ACOT8: variants seen among roughly 807,000 people sequenced by gnomAD.
ACOT8 encodes the protein acyl-CoA thioesterase 8.
Under a neutral mutation model 38.4 loss-of-function variants are expected in ACOT8, and 31 were observed. The ratio of observed to expected loss-of-function variants is 0.81; its 90% confidence interval spans 0.61 to 1.09. The LOEUF (loss-of-function observed/expected upper bound fraction) is 1.09. ACOT8 is among the 50% of genes least tolerant of loss of function. The probability of loss-of-function intolerance (pLI) is 0.00; values close to 1 mark genes in which losing one functional copy is unlikely to be tolerated. For missense variants in ACOT8, 373 were observed against 421.8 expected (o/e 0.88, Z 1.01); for synonymous variants, 158 against 170.3 (o/e 0.93, Z 0.56).
At chr20:45,854,094 C>A (rs1467771189) in intron 2 of ACOT8, 4 of 726,982 alleles carry the variant, frequency 5.5e-6, no homozygotes, top group East Asian at 6.5e-5. Flanking sequence ...GAGACAAGGT[C>A]TCGATTTATT....
rs1374694468 is a variant in ACOT8, at chr20:45,855,299, G to C, written c.129-7C>G. 3 of 1,613,756 alleles carry C rather than the reference G, an allele frequency of 1.9e-6. No homozygotes were observed. The highest frequency in any genetic ancestry group is 2.5e-6 in the Non-Finnish European group (3 of 1,179,988). Reference sequence around the variant, plus strand: ...TACCCAGTAATGCCTTCCTCTGTAGGGAGAGGGGGAAAGAGGGAAAGACTT... The same window carrying C: ...TACCCAGTAATGCCTTCCTCTGTAGCGAGAGGGGGAAAGAGGGAAAGACTT... On this transcript the variant is annotated splice_region_variant and splice_polypyrimidine_tract_variant and intron_variant, in intron 1 of 5. Coordinates refer to ENST00000217455, the MANE Select transcript of ACOT8 (RefSeq NM_005469.4).
Position 45,848,676 on chromosome 20 carries a change from C to A in ACOT8, c.263-1G>T. 1 of 1,601,866 alleles carries A rather than the reference C, an allele frequency of 6.2e-7. No individual in the cohort carries two copies. Among genetic ancestry groups the A allele is most frequent in the Non-Finnish European group, 8.5e-7 (1 of 1,172,912 alleles). ...TACAGTACTGGCAGCTTCGGGTCCCCTGCAGTGGGCACAAGGACACAGTGG... is the reference window on the plus strand; with the variant it reads ...TACAGTACTGGCAGCTTCGGGTCCCATGCAGTGGGCACAAGGACACAGTGG... On this transcript the variant is annotated splice_acceptor_variant, in intron 2 of 5. Coordinates refer to ENST00000217455, the MANE Select transcript of ACOT8 (RefSeq NM_005469.4). LOFTEE classifies it high-confidence loss of function.
chr20:45,851,915 G>C (rs1985087181), intron 2 of ACOT8, among the ~76,000 whole-genome samples: 2 of 152,106 alleles, frequency 1.3e-5, no homozygotes, highest in African/African-American at 4.8e-5. Flanking sequence ...GAACTGATTT[G>C]ATAAATGGCC....
Position 45,848,429 on chromosome 20 carries a change from T to G in ACOT8, c.488+21A>C, listed in dbSNP as rs151064083. 2.2e-4 allele frequency: 348 copies of G among 1,549,940 alleles called. 2 individuals carry two copies. In the East Asian group the frequency reaches 7.9e-3, roughly 35 times the overall value. On this transcript the variant is annotated intron_variant, in intron 3 of 5. Transcript: ENST00000217455. ...CAGCTGCATTTTGAAAAGTCTGCCA[T>G]GGAGCCTCCAGGTCTCTCACCTTAA...
chr20:45,855,022 C>T (rs1055083976), intron 2 of ACOT8, 137 bp downstream of exon 2: 8 of 1,245,522 alleles, frequency 6.4e-6, no homozygotes, highest in Middle Eastern at 2.8e-4. Context: ...CCCTAGACAC[C>T]TCTTAGGGTG....
rs1303699253 is a variant in ACOT8 at position 45,848,673 on chromosome 20, C to T, written c.265G>A (p.Asp89Asn). 1 of 1,603,240 alleles carries T rather than the reference C, an allele frequency of 6.2e-7. No individual in the cohort carries two copies. Among genetic ancestry groups the T allele is most frequent in the South Asian group, 1.1e-5 (1 of 90,492 alleles). ...TGGTACAGTACTGGCAGCTTCGGGT[C>T]CCCTGCAGTGGGCACAAGGACACAG... ...SLHCYFVRAG[D>N]PKLPVLYQVE... Residue 89 changes from aspartate to asparagine, a missense_variant and splice_region_variant, in exon 3 of 6, where the codon GAC becomes AAC. Coordinates refer to ENST00000217455, the MANE Select transcript of ACOT8 (RefSeq NM_005469.4).
chr20:45,856,332 AAAGT>A (rs1305625757), intron 1 of ACOT8, among the ~76,000 whole-genome samples: 1 of 152,204 alleles, frequency 6.6e-6, no homozygotes, highest in African/African-American at 2.4e-5. Flanking sequence ...AAGGGAGCTC[AAAGT>A]AAGATAACTT....
chr20:45,854,230 T>TGCCGAGGCTGGAGTGCTC (rs1555825616), intron 2 of ACOT8, among the ~76,000 whole-genome samples: 110 of 150,352 alleles, frequency 7.3e-4, no homozygotes, highest in African/African-American at 2.5e-3. Context: ...CTCGCTCTGT[T>TGCCGAGGCTGGAGTGCTC]GCCCAGGCTG....
intron 2 of ACOT8, among the ~76,000 whole-genome samples, chr20:45,850,761 C>G (rs1048932815): frequency 2.6e-5 from 4 of 152,132 alleles, no homozygotes; most frequent in African/African-American, 9.7e-5. Context: ...AATCAAGAGG[C>G]TGAGGCGGAA....
At position 45,848,663 on chromosome 20, in the gene ACOT8, A is replaced by T. The variant is rs761078019; in HGVS notation, c.275T>A (p.Leu92Gln). 6.2e-7 allele frequency: 1 copy of T among 1,608,028 alleles called. No homozygotes were observed. The highest frequency in any genetic ancestry group is 8.5e-7 in the Non-Finnish European group (1 of 1,176,676). Residue 92 changes from leucine (L) to glutamine (Q), a missense_variant, in exon 3 of 6, where the codon CTG becomes CAG. Physicochemically the swap from Leu to Gln is moderately radical, Grantham distance 113. Transcript: ENST00000217455. ...CCGCTCCACTTGGTACAGTACTGGC[A>T]GCTTCGGGTCCCCTGCAGTGGGCAC... is the stretch of plus-strand genomic sequence containing the variant. ...CYFVRAGDPKLPVLYQVERTR... is the reference protein window; with the variant it reads ...CYFVRAGDPKQPVLYQVERTR...
rs1005931645 is a variant in ACOT8 at position 45,846,004 on chromosome 20, T to G, written c.489-1584A>C. ...GGGCCACCACGCCTGGCTAATTTTT[T>G]TGTGTGTGTATTTTTAATAGAGATG... On this transcript the variant is annotated intron_variant, in intron 3 of 5. Coordinates refer to ENST00000217455, the MANE Select transcript of ACOT8 (RefSeq NM_005469.4). Among the ~76,000 whole-genome samples the G allele has an allele frequency of 1.1e-4, 17 of 151,858 alleles. 1 individual carries two copies. Among genetic ancestry groups the G allele is most frequent in the East Asian group, 5.8e-4 (3 of 5,178 alleles).
intron 5 of ACOT8, chr20:45,842,987 C>T: frequency 1.9e-6 from 2 of 1,037,860 alleles, no homozygotes; most frequent in Non-Finnish European, 2.3e-6. Context: ...CAAGGAAGGT[C>T]CAAGCAGGCC....
intron 3 of ACOT8, among the ~76,000 whole-genome samples, chr20:45,848,195 C>G (rs1395316716): frequency 6.6e-6 from 1 of 152,170 alleles, no homozygotes; most frequent in African/African-American, 2.4e-5. Flanking sequence ...TAGGTATGCG[C>G]CACTGCACCC....
At chr20:45,855,098 A>G in intron 2 of ACOT8, 61 bp downstream of exon 2, 3 of 1,598,132 alleles carry the variant, frequency 1.9e-6, no homozygotes, top group South Asian at 2.3e-5. Context: ...CTCAGCCCCC[A>G]AGGCCAGAAA....
chr20:45,843,326 ACATTC>A, intron 5 of ACOT8, 196 bp downstream of exon 5: 2 of 794,166 alleles, frequency 2.5e-6, no homozygotes, highest in South Asian at 2.9e-5. Context: ...CATTTCCAGC[ACATTC>A]TAGAAATTTA....
chr20:45,845,831 T>TG (rs1984646685), intron 3 of ACOT8, among the ~76,000 whole-genome samples: 1 of 148,572 alleles, frequency 6.7e-6, no homozygotes. Flanking sequence ...ACTTTGGTTT[T>TG]TTTTTGTTTT....
chr20:45,851,838 T>C (rs962149812), intron 2 of ACOT8, among the ~76,000 whole-genome samples: 4 of 152,188 alleles, frequency 2.6e-5, no homozygotes, highest in African/African-American at 9.7e-5. Flanking sequence ...TTTACCTCTG[T>C]AGAGAAAAAC....
chr20:45,844,420 C>T lies in ACOT8; in HGVS notation c.489G>A (p.Arg163=), dbSNP rs1490262070. The T allele has an allele frequency of 6.2e-7, 1 of 1,613,716 alleles. No individual in the cohort carries two copies. The highest frequency in any genetic ancestry group is 1.7e-5 in the Admixed American group (1 of 59,918). Residue 163 remains arginine (R), a splice_region_variant and synonymous_variant, in exon 4 of 6, where the codon AGG becomes AGA. Coordinates refer to ENST00000217455, the MANE Select transcript of ACOT8 (RefSeq NM_005469.4). The part of the protein sequence containing the change: ...DCETLIDQYL[R]DPNLQKRYPL... ...GGTACCTCTTTTGGAGGTTAGGGTC[C>T]CTGAAAGTAAAGGGAAGAGGGTCGG...
intron 3 of ACOT8, among the ~76,000 whole-genome samples, chr20:45,844,629 GTC>G (rs1984542604): frequency 6.6e-6 from 1 of 152,108 alleles, no homozygotes; most frequent in Non-Finnish European, 1.5e-5. Context: ...AGTAATCTGA[GTC>G]TATTTTCCCA....
Sources: allele counts gnomAD v4.1 joint callset (sites outside exome capture counted in the v4.1 genomes callset), GRCh38; gene constraint gnomAD v4.1.1; transcripts MANE v1.5; gene names NCBI Gene and HGNC (gene_info 2026-07-23, HGNC 2026-07-21).